PRDM8: variants seen among roughly 807,000 people sequenced by gnomAD.
PRDM8 encodes PR domain zinc finger protein 8.
PRDM8 carries 13 observed loss-of-function variants against 46.5 expected under a neutral mutation model. The ratio of observed to expected loss-of-function variants is 0.28; its 90% CI spans 0.18 to 0.44. PRDM8 has a LOEUF of 0.44. Among genes scored for constraint, PRDM8 ranks in the 20% least tolerant of loss-of-function variants. The pLI is 1.00. For synonymous variants in PRDM8, 473 were observed against 438.4 expected, an observed-to-expected ratio of 1.08 and a Z score of -0.98; for missense variants, 998 against 955.0, an observed-to-expected ratio of 1.04 and a Z score of -0.59.
At position 80,202,581 on chromosome 4, in the gene PRDM8, G is replaced by A; in HGVS notation, c.1119G>A (p.Pro373=). 9 of 1,533,838 alleles carry A rather than the reference G, an allele frequency of 5.9e-6. No homozygotes were observed. The highest frequency in any genetic ancestry group is 7.9e-6 in the Non-Finnish European group (9 of 1,146,048). The change falls in exon 4 of 4, where the codon CCG becomes CCA. Residue 373 remains proline (P), a synonymous_variant. Transcript: ENST00000415738. The part of the protein sequence containing the change: ...GLEENGRLFA[P]PSPETGEAKR... ...AAGAGAACGGCCGCCTCTTCGCGCC[G>A]CCAAGTCCCGAGACGGGCGAGGCGA...
intron 1 of PRDM8, 140 bp downstream of exon 1, chr4:80,197,903 A>G (rs1738087203): frequency 1.2e-6 from 1 of 809,730 alleles, no homozygotes; most frequent in South Asian, 5.6e-5. Context: ...ACTGCCAGTA[A>G]TATTGTACAA....
At chr4:80,192,928 G>A (rs1237765327), upstream of PRDM8, among the ~76,000 whole-genome samples, 2 of 152,198 alleles carry the variant, frequency 1.3e-5, no homozygotes, top group Non-Finnish European at 2.9e-5. Context: ...ATAACATACA[G>A]CTTTCAAAGA....
At position 80,203,586 on chromosome 4, in the gene PRDM8, C is replaced by G. The variant is rs558668602; in HGVS notation, c.*54C>G. On this transcript the variant is annotated 3_prime_UTR_variant, in exon 4 of 4. Coordinates refer to ENST00000415738, the MANE Select transcript of PRDM8 (RefSeq NM_001099403.2). ...CGCGCAAGCACAGTTAAGCCACCTGCAGGAATAAACACGCGAGAACATCCA... is the reference window on the plus strand; with the variant it reads ...CGCGCAAGCACAGTTAAGCCACCTGGAGGAATAAACACGCGAGAACATCCA... 1 of 1,523,602 alleles carries G rather than the reference C, an allele frequency of 6.6e-7. No homozygotes were observed. The highest frequency in any genetic ancestry group is 2.4e-5 in the East Asian group (1 of 41,514). The allele number at this position is 1,523,602 out of a possible 1,614,324, so 94.4% of individuals were successfully genotyped here.
At position 80,202,950 on chromosome 4, in the gene PRDM8, G is replaced by A. The variant is rs752888314; in HGVS notation, c.1488G>A (p.Glu496=). 4.7e-6 allele frequency: 7 copies of A among 1,479,492 alleles called. No homozygotes were observed. Among genetic ancestry groups the A allele is most frequent in the Middle Eastern group, 4.7e-4 (2 of 4,262 alleles). The allele number at this position is 1,479,492 out of a possible 1,614,324, so 91.6% of individuals were successfully genotyped here. The change falls in exon 4 of 4, where the codon GAG becomes GAA. Residue 496 remains glutamate (E), a synonymous_variant. Transcript: ENST00000415738. ...AGGGQGAASD[E]RKSAFSQPAR... ...GGGGCCAGGGCGCCGCGTCGGACGAGCGCAAAAGCGCCTTCTCGCAGCCAG... is the reference window on the plus strand; with the variant it reads ...GGGGCCAGGGCGCCGCGTCGGACGAACGCAAAAGCGCCTTCTCGCAGCCAG...
chr4:80,202,710 T>TGGC lies in PRDM8; in HGVS notation c.1261_1263dup (p.Gly421dup), dbSNP rs1024186691. ...GAGTCGCCTCCGAGGACCAGGACGC[T>TGGC]GGCGGCGGCGGCGGCTCCTCCACGC... On this transcript the variant is annotated inframe_insertion, in exon 4 of 4. Transcript: ENST00000415738. The TGGC allele has an allele frequency of 5.9e-5, 75 of 1,273,420 alleles. No individual in the cohort carries two copies. The Middle Eastern group carries it at 1.1e-3, about 19-fold the overall frequency. 78.9% of individuals were successfully genotyped at this position (1,273,420 alleles called of 1,614,324 possible). A position where few individuals can be genotyped will look rare whatever the true frequency, so the allele number is the denominator to read the frequency against.
In PRDM8 at chr4:80,186,430, G is replaced by GGA. The variant is rs70944766; in HGVS notation, c.-983+937_-983+938dup. On this transcript the variant is annotated intron_variant, in intron 1 of 9. Coordinates refer to the PRDM8 transcript ENST00000339711. ...AGAAGGGAGAGAGAGAAGGCAGGGT[G>GGA]GAGAGAGAGAGAGAGAGAGAGAGAG... 1.1e-3 allele frequency among the ~76,000 whole-genome samples: 140 copies of GGA among 129,990 alleles called. 5 individuals carry two copies. The highest frequency in any genetic ancestry group is 1.8e-3 in the South Asian group (7 of 3,928). The allele number at this position is 129,990 out of a possible 152,430, so 85.3% of individuals were successfully genotyped here.
In PRDM8 at chr4:80,203,973, G is replaced by A. The variant is rs1395336553; in HGVS notation, c.*441G>A. 9 of 152,902 alleles carry A rather than the reference G, an allele frequency of 5.9e-5. No homozygotes were observed. Among genetic ancestry groups the A allele is most frequent in the Non-Finnish European group, 1.5e-5 (1 of 68,358 alleles). The allele number at this position is 152,902 out of a possible 1,614,324, so 9.5% of individuals were successfully genotyped here. On this transcript the variant is annotated 3_prime_UTR_variant, in exon 4 of 4. Transcript: ENST00000415738. ...TTTAGATGTAATAATTATATGTAAG[G>A]GCAAAATTTATTTTAGATATAAAGT...
chr4:80,196,692 C>A, upstream of PRDM8: 1 of 936,224 alleles, frequency 1.1e-6, no homozygotes, highest in Non-Finnish European at 1.3e-6. Flanking sequence ...TCTGGGGCTG[C>A]GCAGAACGCA....
In PRDM8 at chr4:80,203,060, G is replaced by T. The variant is rs1224559277; in HGVS notation, c.1598G>T (p.Gly533Val). 6.4e-7 allele frequency: 1 copy of T among 1,562,786 alleles called. No homozygotes were observed. Among genetic ancestry groups the T allele is most frequent in the African/African-American group, 1.4e-5 (1 of 72,300 alleles). ...CCATGCCACCCCGCCGACGGCGTGG[G>T]CCCCACCAGACTCTATCCCGCCGCC... ...LEPCHPADGV[G>V]PTRLYPAAAD... is the part of the protein sequence containing the mutation. The change falls in exon 4 of 4, where the codon GGC becomes GTC. Residue 533 changes from glycine to valine, a missense_variant. Gly to Val is a moderately radical substitution (Grantham distance 109). Transcript: ENST00000415738.
At chr4:80,193,809 CA>C (rs754401971), upstream of PRDM8, among the ~76,000 whole-genome samples, 2 of 152,176 alleles carry the variant, frequency 1.3e-5, no homozygotes, top group Non-Finnish European at 2.9e-5. Flanking sequence ...CCCCTTTCAC[CA>C]TGAATTGCCA....
In PRDM8 at chr4:80,187,243, C is replaced by CG. The variant is rs1560464288; in HGVS notation, c.-983+1725_-983+1726insG. Among the ~76,000 whole-genome samples the CG allele has an allele frequency of 1.5e-4, 14 of 90,700 alleles. 1 individual carries two copies. The highest frequency in any genetic ancestry group is 7.2e-4 in the African/African-American group (10 of 13,938). 59.5% of individuals were successfully genotyped at this position (90,700 alleles called of 152,430 possible). A position where few individuals can be genotyped will look rare whatever the true frequency, so the allele number is the denominator to read the frequency against. On this transcript the variant is annotated intron_variant, in intron 1 of 9. Coordinates refer to the PRDM8 transcript ENST00000339711. Reference sequence around the variant, plus strand: ...TGTTGCTGTATCAGCATTCTCTGCCCTGGGGCGGGGGGAAGCAGAAGAATA... The same window carrying CG: ...TGTTGCTGTATCAGCATTCTCTGCCCGTGGGGCGGGGGGAAGCAGAAGAATA...
chr4:80,198,184 G>A (rs1279139242), intron 1 of PRDM8, among the ~76,000 whole-genome samples: 2 of 152,222 alleles, frequency 1.3e-5, no homozygotes, highest in African/African-American at 4.8e-5. Context: ...TATTGTGATG[G>A]GCTTGAGGCT....
At position 80,203,373 on chromosome 4, in the gene PRDM8, C is replaced by G; in HGVS notation, c.1911C>G (p.Thr637=). Residue 637 remains threonine, a synonymous_variant, in exon 4 of 4, where the codon ACC becomes ACG. Coordinates refer to ENST00000415738, the MANE Select transcript of PRDM8 (RefSeq NM_001099403.2). ...CAKCNASFRM[T]SDLVYHMRSH... Reference sequence around the variant, plus strand: ...AGTGCAATGCCTCCTTCCGCATGACCTCCGACCTGGTGTACCATATGAGGT... The same window carrying G: ...AGTGCAATGCCTCCTTCCGCATGACGTCCGACCTGGTGTACCATATGAGGT... 6.2e-7 allele frequency: 1 copy of G among 1,614,110 alleles called. No individual in the cohort carries two copies. Among genetic ancestry groups the G allele is most frequent in the Non-Finnish European group, 8.5e-7 (1 of 1,180,012 alleles).
chr4:80,203,648 C>A lies in PRDM8; in HGVS notation c.*116C>A. ...CACCCCGAAACCCTGCACAAAGACA[C>A]ATACATTCACCGCCCCCCCGCCCCC... On this transcript the variant is annotated 3_prime_UTR_variant, in exon 4 of 4. Coordinates refer to ENST00000415738, the MANE Select transcript of PRDM8 (RefSeq NM_001099403.2). 1 of 1,439,152 alleles carries A rather than the reference C, an allele frequency of 6.9e-7. No individual in the cohort carries two copies. Among genetic ancestry groups the A allele is most frequent in the Non-Finnish European group, 9.1e-7 (1 of 1,098,728 alleles). The allele number at this position is 1,439,152 out of a possible 1,614,324, so 89.1% of individuals were successfully genotyped here.
At chr4:80,199,979 G>A in intron 1 of PRDM8, 100 bp from the exon 2 acceptor site, 3 of 914,802 alleles carry the variant, frequency 3.3e-6, no homozygotes, top group Non-Finnish European at 5.0e-6. Context: ...TCAGGCATGT[G>A]CAAGGAAAAT....
In PRDM8 at chr4:80,201,498, C is replaced by T. The variant is rs1319426778; in HGVS notation, c.428C>T (p.Ser143Phe). 1.2e-6 allele frequency: 2 copies of T among 1,613,928 alleles called. No individual in the cohort carries two copies. The highest frequency in any genetic ancestry group is 2.7e-5 in the African/African-American group (2 of 74,940). Reference sequence around the variant, plus strand: ...ACTGAGTTACTCTTGCTCTGCCCCTCTAGATCCCACAACAAAATGAATGGT... The same window carrying T: ...ACTGAGTTACTCTTGCTCTGCCCCTTTAGATCCCACAACAAAATGAATGGT... ...ELTELLLLCPSRSHNKMNGSS... is the reference protein window; with the variant it reads ...ELTELLLLCPFRSHNKMNGSS... Residue 143 changes from serine (S) to phenylalanine (F), a missense_variant, in exon 3 of 4, where the codon TCT becomes TTT. Coordinates refer to ENST00000415738, the MANE Select transcript of PRDM8 (RefSeq NM_001099403.2).
At chr4:80,188,856 G>A (rs1047268560) in intron 1 of PRDM8, among the ~76,000 whole-genome samples, 8 of 152,258 alleles carry the variant, frequency 5.3e-5, no homozygotes. Flanking sequence ...CGTCTGTCGT[G>A]CGGCCCACAG....
intron 2 of PRDM8, among the ~76,000 whole-genome samples, chr4:80,192,394 T>C (rs1033313113): frequency 4.6e-5 from 7 of 152,214 alleles, no homozygotes; most frequent in African/African-American, 1.4e-4. Flanking sequence ...AGAAATTTGA[T>C]GTAAAGCCTC....
Position 80,204,132 on chromosome 4 carries a change from T to C in PRDM8, c.*600T>C, listed in dbSNP as rs1738806510. On this transcript the variant is annotated 3_prime_UTR_variant, in exon 4 of 4. Transcript: ENST00000415738. ...GGGAAGTGCATGTATAATGAAATGA[T>C]AATGGACTTCAATGAAGAATGTCAT... 6.5e-6 allele frequency: 1 copy of C among 152,734 alleles called. No homozygotes were observed. Among genetic ancestry groups the C allele is most frequent in the Admixed American group, 6.5e-5 (1 of 15,298 alleles). 9.5% of individuals were successfully genotyped at this position (152,734 alleles called of 1,614,324 possible).
Sources: gnomAD v4.1 joint callset for allele counts (sites outside exome capture counted in the v4.1 genomes callset) on GRCh38, gnomAD v4.1.1 for gene constraint, MANE v1.5 for transcripts, NCBI Gene and HGNC (gene_info 2026-07-23, HGNC 2026-07-21) for gene names.